Variants in TRPS1 observed in about 807,000 individuals in gnomAD.
TRPS1 encodes the protein transcriptional repressor GATA binding 1, also known as zinc finger transcription factor Trps1.
Under a neutral mutation model 101.2 loss-of-function variants are expected in TRPS1, and 6 were observed. The ratio of observed to expected loss-of-function variants is 0.06; its 90% CI spans 0.03 to 0.12. The LOEUF (loss-of-function observed/expected upper bound fraction) is 0.12. TRPS1 is among the 10% of genes least tolerant of loss of function. TRPS1 has a pLI of 1.00. For synonymous variants in TRPS1, 578 were observed against 589.8 expected, an observed-to-expected ratio of 0.98 and a Z score of 0.29; for missense variants, 1,363 against 1,567.0, an observed-to-expected ratio of 0.87 and a Z score of 2.20.
At chr8:115,538,931 A>G (rs1190533156) in intron 5 of TRPS1, among the ~76,000 whole-genome samples, 1 of 152,204 alleles carries the variant, frequency 6.6e-6, no homozygotes, top group Non-Finnish European at 1.5e-5. Flanking sequence ...ATAATATCAA[A>G]AAAGTAAAGT....
At chr8:115,666,987 C>T (rs1428324355) in intron 1 of TRPS1, among the ~76,000 whole-genome samples, 8 of 152,172 alleles carry the variant, frequency 5.3e-5, no homozygotes, top group Non-Finnish European at 8.8e-5. Context: ...TCACTTACCT[C>T]GCTTAAACTC....
intron 5 of TRPS1, among the ~76,000 whole-genome samples, chr8:115,560,561 A>G (rs979001221): frequency 6.6e-6 from 1 of 152,136 alleles, no homozygotes; most frequent in African/African-American, 2.4e-5. Flanking sequence ...AGAAAAGTTA[A>G]AAGAAACTTT....
At chr8:115,416,704 G>T (rs1812929974) in intron 6 of TRPS1, among the ~76,000 whole-genome samples, 1 of 151,678 alleles carries the variant, frequency 6.6e-6, no homozygotes, top group East Asian at 1.9e-4. Context: ...ATCCTTTTTG[G>T]AACATTTCTG....
intron 5 of TRPS1, among the ~76,000 whole-genome samples, chr8:115,459,278 C>T (rs1344424257): frequency 2.0e-5 from 3 of 151,926 alleles, no homozygotes; most frequent in Admixed American, 6.6e-5. Flanking sequence ...GAGCAGAGAT[C>T]GCGCCACTGC....
intron 5 of TRPS1, among the ~76,000 whole-genome samples, chr8:115,540,005 A>G (rs1232928044): frequency 2.0e-5 from 3 of 152,200 alleles, no homozygotes; most frequent in Non-Finnish European, 2.9e-5. Context: ...TGAGAGTTGC[A>G]TATGTTTGGC....
At chr8:115,429,226 C>T (rs1813261020) in intron 5 of TRPS1, among the ~76,000 whole-genome samples, 1 of 152,218 alleles carries the variant, frequency 6.6e-6, no homozygotes, top group Non-Finnish European at 1.5e-5. Flanking sequence ...TACACGACTT[C>T]CTTTTCAATT....
chr8:115,490,857 G>A (rs574791221), intron 5 of TRPS1, among the ~76,000 whole-genome samples: 9 of 152,260 alleles, frequency 5.9e-5, no homozygotes, highest in African/African-American at 2.2e-4. Flanking sequence ...CCTTTATTCA[G>A]ATTAAATCCA....
chr8:115,478,371 A>G (rs953497780), intron 5 of TRPS1, among the ~76,000 whole-genome samples: 5 of 152,244 alleles, frequency 3.3e-5, no homozygotes, highest in Admixed American at 2.6e-4. Flanking sequence ...AATTTTAAAC[A>G]CATAGTAAAT....
chr8:115,532,411 T>A (rs1038204537), intron 5 of TRPS1, among the ~76,000 whole-genome samples: 14 of 152,188 alleles, frequency 9.2e-5, no homozygotes, highest in African/African-American at 2.7e-4. Context: ...AGGGATTATT[T>A]CAATCAGGCA....
intron 5 of TRPS1, among the ~76,000 whole-genome samples, chr8:115,548,354 T>G (rs1816626603): frequency 6.6e-6 from 1 of 152,180 alleles, no homozygotes; most frequent in African/African-American, 2.4e-5. Flanking sequence ...TTGTTTGTTT[T>G]TGAGACAGAG....
intron 1 of TRPS1, among the ~76,000 whole-genome samples, chr8:115,636,974 C>A (rs1386687321): frequency 6.6e-6 from 1 of 151,560 alleles, no homozygotes; most frequent in Non-Finnish European, 1.5e-5. Flanking sequence ...TCAGTAAGTA[C>A]TAAATGTTTG....
At chr8:115,637,975 T>C (rs1454640473) in intron 1 of TRPS1, among the ~76,000 whole-genome samples, 1 of 152,218 alleles carries the variant, frequency 6.6e-6, no homozygotes, top group Non-Finnish European at 1.5e-5. Context: ...TTCCAAATTA[T>C]TTAAAAACAT....
intron 5 of TRPS1, among the ~76,000 whole-genome samples, chr8:115,573,029 C>T (rs551060868): frequency 1.3e-5 from 2 of 151,958 alleles, no homozygotes; most frequent in South Asian, 2.1e-4. Flanking sequence ...GAGGCTGAGG[C>T]AGGAGAGTCG....
At chr8:115,618,426 CA>C (rs1169248869) in intron 3 of TRPS1, among the ~76,000 whole-genome samples, 1 of 152,006 alleles carries the variant, frequency 6.6e-6, no homozygotes, top group Non-Finnish European at 1.5e-5. Context: ...AAAGATAGAA[CA>C]AAAAGGTAGG....
intron 5 of TRPS1, among the ~76,000 whole-genome samples, chr8:115,519,959 T>C (rs916346504): frequency 1.3e-5 from 2 of 151,790 alleles, no homozygotes; most frequent in Admixed American, 6.6e-5. Context: ...GCAGTAACTT[T>C]GCAAAATTTA....
chr8:115,564,566 G>A (rs1192463599), intron 5 of TRPS1, among the ~76,000 whole-genome samples: 1 of 152,124 alleles, frequency 6.6e-6, no homozygotes, highest in African/African-American at 2.4e-5. Flanking sequence ...TATGGTGACA[G>A]ATGGGTTTGG....
At chr8:115,515,372 C>T in intron 5 of TRPS1, 1 of 636,154 alleles carries the variant, frequency 1.6e-6, no homozygotes. Flanking sequence ...TGAGATTACC[C>T]AAACCTGTGC....
chr8:115,633,700 T>C (rs571248588), intron 1 of TRPS1, among the ~76,000 whole-genome samples: 3 of 152,260 alleles, frequency 2.0e-5, no homozygotes, highest in South Asian at 4.1e-4. Context: ...CTGTGGTTTT[T>C]TCAGAGGATT....
intron 2 of TRPS1, among the ~76,000 whole-genome samples, chr8:115,621,667 C>T (rs1818394897): frequency 6.6e-6 from 1 of 152,150 alleles, no homozygotes; most frequent in African/African-American, 2.4e-5. Context: ...GTAATCCCAG[C>T]ACTTTGGGAG....
Sources: allele counts gnomAD v4.1 joint callset (sites outside exome capture counted in the v4.1 genomes callset), GRCh38; gene constraint gnomAD v4.1.1; transcripts MANE v1.5; gene names NCBI Gene and HGNC (gene_info 2026-07-23, HGNC 2026-07-21).